The following CYP7A1 variants were observed in gnomAD, a reference collection of about 807,000 sequenced individuals.
CYP7A1 encodes cytochrome P450 family 7 subfamily A member 1.
A neutral mutation model predicts 43.8 loss-of-function variants in CYP7A1; 28 were observed. The observed-to-expected ratio is 0.64, with a 90% CI of 0.47 to 0.88. The LOEUF is 0.88. CYP7A1 is among the 40% of genes least tolerant of loss of function. CYP7A1 has a pLI of 0.00. For missense variants in CYP7A1, 637 were observed against 611.9 expected (o/e 1.04, Z -0.43); for synonymous variants, 227 against 222.5 (o/e 1.02, Z -0.18).
rs149118487 is a variant in CYP7A1, at chr8:58,497,486, A to G, written c.322-296T>C. On this transcript the variant is annotated intron_variant, in intron 2 of 5. Coordinates refer to ENST00000301645, the MANE Select transcript of CYP7A1 (RefSeq NM_000780.4). ...AACTAATTGATAATGTTTTAAAATC[A>G]TTAGTTATCTTTTATATTATTTGTA... is the stretch of plus-strand genomic sequence containing the variant. Among the ~76,000 whole-genome samples, 656 of 152,278 alleles carry G rather than the reference A, an allele frequency of 4.3e-3. 5 individuals carry two copies. The highest frequency in any genetic ancestry group is 0.015 in the African/African-American group (625 of 41,560).
At chr8:58,492,588 A>T in intron 4 of CYP7A1, 60 bp from the exon 5 acceptor site, 1 of 1,415,330 alleles carries the variant, frequency 7.1e-7, no homozygotes, top group Non-Finnish European at 9.9e-7. Flanking sequence ...GAAGGAAGAG[A>T]AGAACAAACC....
At position 58,498,425 on chromosome 8, in the gene CYP7A1, AG is replaced by A; in HGVS notation, c.124del (p.Leu42TrpfsTer30). ...PPLENGLIPY[L>X]GCALQFGANP... ...GGCACCAAATTGCAGAGCACAGCCC[AG>A]GTATGGAATTAATCCATTCTCTAGA... On this transcript the variant is annotated frameshift_variant, in exon 2 of 6. Transcript: ENST00000301645. LOFTEE classifies it high-confidence loss of function. The A allele has an allele frequency of 6.2e-7, 1 of 1,614,150 alleles. No individual in the cohort carries two copies. The highest frequency in any genetic ancestry group is 1.1e-5 in the South Asian group (1 of 91,086).
At chr8:58,493,401 C>T (rs1809387085) in intron 4 of CYP7A1, among the ~76,000 whole-genome samples, 1 of 152,128 alleles carries the variant, frequency 6.6e-6, no homozygotes, top group South Asian at 2.1e-4. Flanking sequence ...ATCACCGCTG[C>T]CCGGTAAAGG....
rs1809507432 is a variant in CYP7A1, at chr8:58,500,090, G to C, written c.9C>G (p.Thr3=). 1 of 1,612,424 alleles carries C rather than the reference G, an allele frequency of 6.2e-7. No individual in the cohort carries two copies. The highest frequency in any genetic ancestry group is 8.5e-7 in the Non-Finnish European group (1 of 1,178,840). Residue 3 remains threonine, a synonymous_variant, in exon 1 of 6, where the codon ACC becomes ACG. Coordinates refer to ENST00000301645, the MANE Select transcript of CYP7A1 (RefSeq NM_000780.4). MM[T]TSLIWGIAIA... is the part of the protein sequence containing the mutation. The stretch of plus-strand genomic sequence containing the variant: ...TAGCAATCCCCCAAATCAAAGATGT[G>C]GTCATCATTTTGCAAATCTAGGCCA...
Position 58,496,847 on chromosome 8 carries a change from C to G in CYP7A1, c.665G>C (p.Gly222Ala). 6.2e-7 allele frequency: 1 copy of G among 1,614,180 alleles called. No homozygotes were observed. Among genetic ancestry groups the G allele is most frequent in the Non-Finnish European group, 8.5e-7 (1 of 1,180,042 alleles). The change falls in exon 3 of 6, where the codon GGC (glycine) becomes GCC (alanine). Residue 222 changes from glycine to alanine, a missense_variant. Physicochemically the swap from Gly to Ala is moderately conservative, Grantham distance 60 (BLOSUM62 0). Coordinates refer to ENST00000301645, the MANE Select transcript of CYP7A1 (RefSeq NM_000780.4). ...AGTCCTGAACATGTGAATGGGGAGG[C>G]CTGCTACCAGGGCTGGAAAGACTTT... is the stretch of plus-strand genomic sequence containing the variant. ...FDKVFPALVA[G>A]LPIHMFRTAH...
chr8:58,492,641 A>T (rs1809370283), intron 4 of CYP7A1, 113 bp from the exon 5 acceptor site: 2 of 838,672 alleles, frequency 2.4e-6, no homozygotes, highest in Admixed American at 2.1e-5. Context: ...AACTACAGAC[A>T]GCCTGGCAGT....
At chr8:58,496,040 A>T (rs1809437686) in intron 3 of CYP7A1, among the ~76,000 whole-genome samples, 1 of 152,250 alleles carries the variant, frequency 6.6e-6, no homozygotes, top group South Asian at 2.1e-4. Flanking sequence ...AGTTTTAAAA[A>T]GCACAACCTA....
chr8:58,495,243 T>A (rs1428583971), intron 3 of CYP7A1, among the ~76,000 whole-genome samples: 3 of 20,872 alleles, frequency 1.4e-4, no homozygotes, highest in South Asian at 1.2e-3. Context: ...TTATTTATTT[T>A]GAGACGGAGT....
At chr8:58,496,380 G>C (rs1324274829) in intron 3 of CYP7A1, among the ~76,000 whole-genome samples, 1 of 152,160 alleles carries the variant, frequency 6.6e-6, no homozygotes, top group East Asian at 1.9e-4. Flanking sequence ...CTCTTTCTCT[G>C]GGACTGTCTT....
chr8:58,499,918 A>G, intron 1 of CYP7A1, 101 bp downstream of exon 1: 1 of 812,664 alleles, frequency 1.2e-6, no homozygotes, highest in Non-Finnish European at 2.1e-6. Flanking sequence ...GATAATGCTA[A>G]TATGTGTAAG....
At chr8:58,494,257 A>G (rs956661234) in intron 4 of CYP7A1, among the ~76,000 whole-genome samples, 11 of 152,136 alleles carry the variant, frequency 7.2e-5, no homozygotes, top group Admixed American at 6.5e-5. Context: ...AGAGAATAGG[A>G]TGCCACATAA....
At position 58,491,607 on chromosome 8, in the gene CYP7A1, C is replaced by T. The variant is rs768104199; in HGVS notation, c.1383G>A (p.Met461Ile). Reference protein sequence around the residue: ...IHEIKQFLILMLSYFELELIE... With the variant: ...IHEIKQFLILILSYFELELIE... ...TAAGCTCCAATTCAAAATAAGAAAG[C>T]ATCAGAATCAAAAATTGCTTGATTT... Residue 461 changes from methionine (M) to isoleucine (I), a missense_variant, in exon 6 of 6, where the codon ATG (methionine) becomes ATA (isoleucine). Physicochemically the swap from Met to Ile is conservative, Grantham distance 10 (BLOSUM62 1). Coordinates refer to ENST00000301645, the MANE Select transcript of CYP7A1 (RefSeq NM_000780.4). The T allele has an allele frequency of 6.2e-7, 1 of 1,614,162 alleles. No homozygotes were observed. The highest frequency in any genetic ancestry group is 1.1e-5 in the South Asian group (1 of 91,082).
chr8:58,495,249 G>A (rs28708563), intron 3 of CYP7A1, among the ~76,000 whole-genome samples: 9,303 of 39,650 alleles, frequency 0.23, 411 homozygotes, highest in African/African-American at 0.39. Context: ...ATTTTGAGAC[G>A]GAGTCTTGCT....
chr8:58,494,357 A>C, intron 4 of CYP7A1, 149 bp downstream of exon 4: 1 of 823,244 alleles, frequency 1.2e-6, no homozygotes, highest in Admixed American at 2.2e-5. Flanking sequence ...GTCCCAAGTC[A>C]CAGGACAGTT....
At position 58,495,264 on chromosome 8, in the gene CYP7A1, C is replaced by A. The variant is rs573784895; in HGVS notation, c.909-628G>T. Among the ~76,000 whole-genome samples, 428 of 60,402 alleles carry A rather than the reference C, an allele frequency of 7.1e-3. 3 individuals are homozygous for A. Among genetic ancestry groups the A allele is most frequent in the African/African-American group, 0.03 (398 of 13,066 alleles). 39.6% of individuals were successfully genotyped at this position (60,402 alleles called of 152,430 possible). A position where few individuals can be genotyped will look rare whatever the true frequency, so the allele number is the denominator to read the frequency against. On this transcript the variant is annotated intron_variant, in intron 3 of 5. Transcript: ENST00000301645. ...ATTTTGAGACGGAGTCTTGCTCTGT[C>A]GCCCAGGCTGGAGTGCAGGGGCGCA...
intron 1 of CYP7A1, among the ~76,000 whole-genome samples, chr8:58,499,382 TAA>T (rs1809495911): frequency 6.6e-6 from 1 of 152,216 alleles, no homozygotes; most frequent in Admixed American, 6.5e-5. Context: ...AGAAGTTAAA[TAA>T]ACTATGGTTC....
rs552434187 is a variant in CYP7A1 at position 58,495,747 on chromosome 8, T to C, written c.908+857A>G. On this transcript the variant is annotated intron_variant, in intron 3 of 5. Transcript: ENST00000301645. The stretch of plus-strand genomic sequence containing the variant: ...GGATGTGCTTTTTCAAGTAATAACT[T>C]TGGAAGATAGTCAACATTTGTGACA... Among the ~76,000 whole-genome samples the C allele has an allele frequency of 2.4e-4, 36 of 152,318 alleles. 1 individual carries two copies. In the Middle Eastern group the frequency reaches 0.01, roughly 43 times the overall value.
In CYP7A1 at chr8:58,496,780, G is replaced by A. The variant is rs370924818; in HGVS notation, c.732C>T (p.His244=). The A allele has an allele frequency of 3.7e-6, 6 of 1,614,200 alleles. No individual in the cohort carries two copies. The highest frequency in any genetic ancestry group is 1.7e-5 in the Admixed American group (1 of 60,028). Residue 244 remains histidine, a synonymous_variant, in exon 3 of 6, where the codon CAC becomes CAT. Transcript: ENST00000301645. ...AREKLAESLR[H]ENLQKRESIS... Reference sequence around the variant, plus strand: ...TGCTTTCCCTCTTTTGGAGGTTCTCGTGCCTCAAGCTCTCTGCCAGTTTCT... The same window carrying A: ...TGCTTTCCCTCTTTTGGAGGTTCTCATGCCTCAAGCTCTCTGCCAGTTTCT...
At chr8:58,492,631 A>T (rs2129605789) in intron 4 of CYP7A1, 103 bp from the exon 5 acceptor site, 1 of 904,572 alleles carries the variant, frequency 1.1e-6, no homozygotes, top group East Asian at 2.6e-5. Flanking sequence ...ATAGAGTCTG[A>T]ACTACAGACA....
Sources: allele counts gnomAD v4.1 joint callset (sites outside exome capture counted in the v4.1 genomes callset), GRCh38; gene constraint gnomAD v4.1.1; transcripts MANE v1.5; gene names NCBI Gene and HGNC (gene_info 2026-07-23, HGNC 2026-07-21).